KCNH5: variants seen among roughly 807,000 people sequenced by gnomAD.
KCNH5 encodes the protein potassium voltage-gated channel subfamily H member 5, also known as voltage-gated delayed rectifier potassium channel KCNH5.
A neutral mutation model predicts 96.1 loss-of-function variants in KCNH5; 46 were observed. That is an observed-to-expected ratio of 0.48 (90% CI 0.38 to 0.61). The LOEUF (loss-of-function observed/expected upper bound fraction) is 0.61, where lower values mean the gene tolerates loss of function less well. Among genes scored for constraint, KCNH5 ranks in the 20% least tolerant of loss-of-function variants. KCNH5 has a pLI of 0.00. For synonymous variants in KCNH5, 439 were observed against 449.8 expected, an observed-to-expected ratio of 0.98 and a Z score of 0.30; for missense variants, 907 against 1,225.8, an observed-to-expected ratio of 0.74 and a Z score of 3.88.
intron 8 of KCNH5, among the ~76,000 whole-genome samples, chr14:62,839,973 G>A (rs1887542507): frequency 6.6e-6 from 1 of 151,940 alleles, no homozygotes; most frequent in East Asian, 1.9e-4. Context: ...TTCCTGTATT[G>A]TATTTCAAGC....
At chr14:62,974,641 G>T (rs764317399) in intron 6 of KCNH5, among the ~76,000 whole-genome samples, 6 of 152,052 alleles carry the variant, frequency 3.9e-5, no homozygotes, top group African/African-American at 1.4e-4. Context: ...AATAAAGAAC[G>T]TTATTAAGTC....
chr14:62,749,820 C>T (rs1475331251), intron 10 of KCNH5, among the ~76,000 whole-genome samples: 1 of 152,176 alleles, frequency 6.6e-6, no homozygotes, highest in African/African-American at 2.4e-5. Context: ...TTTCCACTTT[C>T]CCCAAGACTG....
intron 7 of KCNH5, among the ~76,000 whole-genome samples, chr14:62,857,406 TA>T (rs1324505482): frequency 3.9e-5 from 6 of 152,206 alleles, no homozygotes; most frequent in African/African-American, 1.4e-4. Flanking sequence ...AAGCTAAGTG[TA>T]TTAGTCAGTG....
intron 6 of KCNH5, among the ~76,000 whole-genome samples, chr14:62,966,967 G>A (rs561151979): frequency 3.9e-5 from 6 of 152,158 alleles, no homozygotes; most frequent in South Asian, 4.1e-4. Context: ...CCCTTTTACC[G>A]TGGTAAGCAA....
chr14:62,851,614 A>G (rs370983699), intron 7 of KCNH5, among the ~76,000 whole-genome samples: 52 of 152,150 alleles, frequency 3.4e-4, no homozygotes, highest in African/African-American at 1.1e-3. Flanking sequence ...TAGCAGAATC[A>G]TCTAACAAAT....
chr14:62,941,568 T>C (rs1309193955), intron 7 of KCNH5, among the ~76,000 whole-genome samples: 1 of 152,138 alleles, frequency 6.6e-6, no homozygotes, highest in Non-Finnish European at 1.5e-5. Flanking sequence ...AAAGTTTTCT[T>C]TACAAGCTAT....
At chr14:62,751,444 G>A (rs1315045270) in intron 10 of KCNH5, among the ~76,000 whole-genome samples, 3 of 152,188 alleles carry the variant, frequency 2.0e-5, no homozygotes, top group East Asian at 1.9e-4. Flanking sequence ...AATGGGAGCT[G>A]TGGTGGAAGA....
intron 7 of KCNH5, among the ~76,000 whole-genome samples, chr14:62,947,978 TC>T (rs1889924162): frequency 6.7e-6 from 1 of 148,972 alleles, no homozygotes; most frequent in African/African-American, 2.5e-5. Context: ...CCCTCCCCTC[TC>T]CCCCCACCCC....
chr14:62,823,438 G>A (rs1340283406), intron 8 of KCNH5, among the ~76,000 whole-genome samples: 2 of 152,044 alleles, frequency 1.3e-5, no homozygotes, highest in Admixed American at 6.6e-5. Context: ...TTGGGGGTAT[G>A]AGTAATGGAG....
chr14:62,786,172 C>T (rs1886317669), intron 9 of KCNH5, among the ~76,000 whole-genome samples: 1 of 152,144 alleles, frequency 6.6e-6, no homozygotes, highest in African/African-American at 2.4e-5. Flanking sequence ...GCCTGGGTGA[C>T]AGAGCAAGAC....
chr14:62,786,466 T>C (rs1226850331), intron 9 of KCNH5, among the ~76,000 whole-genome samples: 7 of 152,034 alleles, frequency 4.6e-5, no homozygotes, highest in African/African-American at 1.7e-4. Context: ...AAAATCACTA[T>C]AGTGAATCAC....
At chr14:62,761,897 C>A (rs1885759533) in intron 10 of KCNH5, among the ~76,000 whole-genome samples, 1 of 152,070 alleles carries the variant, frequency 6.6e-6, no homozygotes. Flanking sequence ...GATGCAGACC[C>A]TGGGGTGAAG....
intron 7 of KCNH5, among the ~76,000 whole-genome samples, chr14:62,860,901 A>G (rs187343736): frequency 5.7e-4 from 87 of 152,356 alleles, no homozygotes; most frequent in African/African-American, 2.0e-3. Flanking sequence ...CATGTTTCTC[A>G]GAAATTTTAA....
Position 62,810,704 on chromosome 14 carries a change from G to A in KCNH5, c.1570-8123C>T, listed in dbSNP as rs554400283. Among the ~76,000 whole-genome samples, 8 of 152,158 alleles carry A rather than the reference G, an allele frequency of 5.3e-5. No individual in the cohort carries two copies. The East Asian group carries it at 1.5e-3, about 29-fold the overall frequency. ...ACTCTATATGGTCTAAAAAGGGGAA[G>A]CATGAATAATCCACCCCTTGTTTAG... On this transcript the variant is annotated intron_variant, in intron 8 of 10. Coordinates refer to ENST00000322893, the MANE Select transcript of KCNH5 (RefSeq NM_139318.5).
In KCNH5 at chr14:62,729,374, A is replaced by G. The variant is rs192393243; in HGVS notation, c.2020-20919T>C. Among the ~76,000 whole-genome samples, 289 of 152,372 alleles carry G rather than the reference A, an allele frequency of 1.9e-3. 4 individuals carry two copies. Among genetic ancestry groups the G allele is most frequent in the Admixed American group, 0.016 (252 of 15,304 alleles). ...TCATAATTATTCCAGGACTACAGAC[A>G]TAAATCAGCACTGTCCTGGGCAAAG... On this transcript the variant is annotated intron_variant, in intron 10 of 10. Transcript: ENST00000322893.
At chr14:62,712,276 T>A (rs11158447) in intron 10 of KCNH5, 155,963 of 174,704 alleles carry the variant, frequency 0.89, 70,548 homozygotes, top group East Asian at 1. Flanking sequence ...TTGTTTTATT[T>A]TACTTTTGAC....
At chr14:62,900,742 C>A (rs778347783) in intron 7 of KCNH5, among the ~76,000 whole-genome samples, 11 of 150,978 alleles carry the variant, frequency 7.3e-5, no homozygotes, top group African/African-American at 9.7e-5. Flanking sequence ...AAGAAGAAAA[C>A]AAAGATATGA....
intron 1 of KCNH5, among the ~76,000 whole-genome samples, chr14:63,032,962 T>C (rs1369379349): frequency 6.6e-6 from 1 of 152,138 alleles, no homozygotes; most frequent in Non-Finnish European, 1.5e-5. Context: ...GGCCAAAACC[T>C]TGGGAGTCAT....
chr14:62,951,345 C>T (rs1482213017), intron 6 of KCNH5, among the ~76,000 whole-genome samples: 1 of 152,152 alleles, frequency 6.6e-6, no homozygotes, highest in Non-Finnish European at 1.5e-5. Context: ...CAATGAAAGT[C>T]CCATAGTTAC....
Sources: gnomAD v4.1 joint callset for allele counts (sites outside exome capture counted in the v4.1 genomes callset) on GRCh38, gnomAD v4.1.1 for gene constraint, MANE v1.5 for transcripts, NCBI Gene and HGNC (gene_info 2026-07-23, HGNC 2026-07-21) for gene names.